Variants in ATG7 observed in about 807,000 individuals in gnomAD.
The protein encoded by ATG7 is autophagy related 7.
In ATG7, 70 loss-of-function variants were observed where a neutral mutation model predicts 82.4. The ratio of observed to expected loss-of-function variants is 0.85; its 90% CI spans 0.70 to 1.04. The LOEUF (loss-of-function observed/expected upper bound fraction) is 1.04. Ranked by LOEUF, ATG7 falls within the 50% of genes least tolerant of loss-of-function variation. ATG7 has a pLI of 0.00. For synonymous variants in ATG7, 287 were observed against 313.0 expected (o/e 0.92, Z 0.88); for missense variants, 792 against 864.3 (o/e 0.92, Z 1.05).
chr3:11,277,448 C>T (rs1462478405), intron 1 of ATG7: 3 of 152,388 alleles, frequency 2.0e-5, no homozygotes, highest in Admixed American at 2.0e-4. Context: ...CCATAAGTGT[C>T]AGCTGGCTGA....
chr3:11,558,475 A>AG, downstream of ATG7: 4 of 789,776 alleles, frequency 5.1e-6, no homozygotes, highest in Non-Finnish European at 5.3e-6. Flanking sequence ...CACCCCCATG[A>AG]TTTTTTTTTT....
intron 3 of ATG7, among the ~76,000 whole-genome samples, chr3:11,294,516 C>G (rs1427666495): frequency 2.0e-5 from 3 of 152,126 alleles, no homozygotes; most frequent in Non-Finnish European, 4.4e-5. Flanking sequence ...AGCCACTGAG[C>G]CTGGCCAAAT....
chr3:11,455,975 C>T (rs1390650700), intron 20 of ATG7, among the ~76,000 whole-genome samples: 1 of 152,168 alleles, frequency 6.6e-6, no homozygotes, highest in African/African-American at 2.4e-5. Context: ...GTTGTAGTAG[C>T]TTTATTTAGA....
intron 20 of ATG7, among the ~76,000 whole-genome samples, chr3:11,512,134 G>T (rs2153077235): frequency 6.6e-6 from 1 of 152,282 alleles, no homozygotes; most frequent in South Asian, 2.1e-4. Flanking sequence ...AGGGCTCTGA[G>T]GACTGCCAGC....
intron 20 of ATG7, among the ~76,000 whole-genome samples, chr3:11,498,146 T>C (rs867603400): frequency 6.6e-6 from 1 of 152,234 alleles, no homozygotes; most frequent in South Asian, 2.1e-4. Flanking sequence ...CCTGCATATA[T>C]ACACACATAT....
chr3:11,547,727 G>A (rs1359299463), intron 20 of ATG7, among the ~76,000 whole-genome samples: 1 of 152,230 alleles, frequency 6.6e-6, no homozygotes, highest in Admixed American at 6.5e-5. Flanking sequence ...TGGGTGTGAA[G>A]TGGTAGCTTA....
intron 11 of ATG7, among the ~76,000 whole-genome samples, chr3:11,334,937 G>C (rs549685828): frequency 3.9e-5 from 5 of 128,848 alleles, no homozygotes; most frequent in Non-Finnish European, 7.8e-5. Flanking sequence ...CTGGGTGACA[G>C]AGCAAGACTC....
the ATG7 span, among the ~76,000 whole-genome samples, chr3:11,563,844 C>T: frequency 6.6e-6 from 1 of 152,254 alleles, no homozygotes; most frequent in Non-Finnish European, 1.5e-5. Context: ...TCAGCTTCAC[C>T]AGGATTCCCA....
At chr3:11,346,608 C>G (rs1954587622) in intron 13 of ATG7, 1 of 152,308 alleles carries the variant, frequency 6.6e-6, no homozygotes, top group African/African-American at 2.4e-5. Flanking sequence ...TAACCTATGG[C>G]ATGTTTGTAA....
intron 14 of ATG7, among the ~76,000 whole-genome samples, chr3:11,351,460 A>C (rs1216938621): frequency 6.6e-6 from 1 of 152,190 alleles, no homozygotes; most frequent in Non-Finnish European, 1.5e-5. Flanking sequence ...CTTTTGTGGA[A>C]CTGAAAGAAA....
At chr3:11,547,643 T>C (rs2071408564) in intron 20 of ATG7, among the ~76,000 whole-genome samples, 1 of 152,218 alleles carries the variant, frequency 6.6e-6, no homozygotes, top group African/African-American at 2.4e-5. Flanking sequence ...AGCAGCAACG[T>C]ATGAAGGTTC....
intron 20 of ATG7, among the ~76,000 whole-genome samples, chr3:11,430,994 G>A (rs879654326): frequency 2.6e-5 from 4 of 152,234 alleles, no homozygotes; most frequent in Non-Finnish European, 5.9e-5. Context: ...CAAGTCTTTA[G>A]TATATTACTC....
At chr3:11,469,317 C>T (rs185436111) in intron 20 of ATG7, among the ~76,000 whole-genome samples, 8 of 152,208 alleles carry the variant, frequency 5.3e-5, no homozygotes, top group Admixed American at 4.6e-4. Flanking sequence ...GGCGTAGTGG[C>T]GCATGCCTGT....
intron 14 of ATG7, among the ~76,000 whole-genome samples, chr3:11,357,310 G>A (rs2075997552): frequency 6.6e-6 from 1 of 152,046 alleles, no homozygotes; most frequent in South Asian, 2.1e-4. Flanking sequence ...GGTCATCAAG[G>A]GGCAGATGGT....
At chr3:11,561,986 G>A (rs560636525), downstream of ATG7, among the ~76,000 whole-genome samples, 122 of 143,012 alleles carry the variant, frequency 8.5e-4, no homozygotes, top group African/African-American at 3.0e-3. Context: ...TGCAAGCTCC[G>A]CCTTCCGGGT....
chr3:11,498,914 G>A (rs1470603377), intron 20 of ATG7, among the ~76,000 whole-genome samples: 1 of 152,144 alleles, frequency 6.6e-6, no homozygotes, highest in African/African-American at 2.4e-5. Flanking sequence ...TCACTGCCAT[G>A]ACTTCTGGTC....
intron 9 of ATG7, among the ~76,000 whole-genome samples, chr3:11,328,509 G>GA (rs938802301): frequency 7.3e-5 from 11 of 151,650 alleles, no homozygotes; most frequent in Admixed American, 7.2e-4. Context: ...CATGCATTTA[G>GA]AAAAAAAATG....
chr3:11,483,530 T>A (rs1169768709), intron 20 of ATG7, among the ~76,000 whole-genome samples: 1 of 152,202 alleles, frequency 6.6e-6, no homozygotes, highest in Non-Finnish European at 1.5e-5. Flanking sequence ...TGTGCGAATG[T>A]CAAGCATGTT....
At chr3:11,410,586 C>T (rs1360519171) in intron 19 of ATG7, among the ~76,000 whole-genome samples, 1 of 152,110 alleles carries the variant, frequency 6.6e-6, no homozygotes, top group Non-Finnish European at 1.5e-5. Flanking sequence ...CAAACAATAA[C>T]TCCCCATTTT....
Sources: allele counts gnomAD v4.1 joint callset (sites outside exome capture counted in the v4.1 genomes callset), GRCh38; gene constraint gnomAD v4.1.1; transcripts MANE v1.5; gene names NCBI Gene and HGNC (gene_info 2026-07-23, HGNC 2026-07-21).